Variants in CSPP1 observed in about 807,000 individuals in gnomAD.
CSPP1 encodes centrosome and spindle pole-associated protein 1.
In CSPP1, 126 loss-of-function variants were observed where a neutral mutation model predicts 164.4. The observed-to-expected ratio is 0.77, with a 90% CI of 0.66 to 0.89. The LOEUF is 0.89. CSPP1 is among the 40% of genes least tolerant of loss of function. The pLI, the probability that CSPP1 is intolerant of heterozygous loss-of-function variation, is 0.00. For synonymous variants in CSPP1, 472 were observed against 476.7 expected (o/e 0.99, Z 0.13); for missense variants, 1,395 against 1,449.8 (o/e 0.96, Z 0.61).
chr8:67,183,910 T>C (rs564626392), intron 28 of CSPP1, among the ~76,000 whole-genome samples: 2 of 147,548 alleles, frequency 1.4e-5, no homozygotes, highest in Admixed American at 1.4e-4. Context: ...TGGAGCGTGA[T>C]GGCGTGATCT....
At chr8:67,132,958 G>A (rs187734404) in intron 16 of CSPP1, among the ~76,000 whole-genome samples, 107 of 152,102 alleles carry the variant, frequency 7.0e-4, no homozygotes, top group African/African-American at 2.0e-3. Context: ...AAGTACTTTT[G>A]TTCAACTTTT....
intron 25 of CSPP1, chr8:67,172,836 T>G: frequency 4.2e-6 from 1 of 239,702 alleles, no homozygotes; most frequent in Non-Finnish European, 8.0e-6. Flanking sequence ...GAACTTGGCA[T>G]TTAATGGAGG....
intron 2 of CSPP1, among the ~76,000 whole-genome samples, chr8:67,076,255 C>T (rs746951055): frequency 1.8e-4 from 28 of 152,058 alleles, no homozygotes; most frequent in Non-Finnish European, 3.4e-4. Flanking sequence ...ATGTTTGGCA[C>T]TTAATGGGAA....
At chr8:67,075,502 A>C (rs1428229047) in intron 2 of CSPP1, among the ~76,000 whole-genome samples, 1 of 152,196 alleles carries the variant, frequency 6.6e-6, no homozygotes, top group Non-Finnish European at 1.5e-5. Flanking sequence ...GCATATTCTT[A>C]AGAGGTTATA....
In CSPP1 at chr8:67,064,447, G is replaced by C; in HGVS notation, c.-102G>C. 1 of 1,613,982 alleles carries C rather than the reference G, an allele frequency of 6.2e-7. No individual in the cohort carries two copies. Among genetic ancestry groups the C allele is most frequent in the Non-Finnish European group, 8.5e-7 (1 of 1,179,914 alleles). ...CGCTGTAACCTCTTCGGTCCGCGAC[G>C]ATCCTCTAGAGCACTGTGTGTCTCC... On this transcript the variant is annotated 5_prime_UTR_variant, in exon 1 of 31. Transcript: ENST00000678616.
intron 28 of CSPP1, among the ~76,000 whole-genome samples, chr8:67,189,859 A>C (rs1379731095): frequency 1.3e-5 from 2 of 152,082 alleles, no homozygotes; most frequent in Admixed American, 6.5e-5. Context: ...TTTTCAAAGG[A>C]GTTGCGGAGG....
At chr8:67,094,617 T>G (rs1812345843) in intron 6 of CSPP1, among the ~76,000 whole-genome samples, 1 of 151,894 alleles carries the variant, frequency 6.6e-6, no homozygotes, top group Non-Finnish European at 1.5e-5. Flanking sequence ...TAAAAAAATA[T>G]ATGGGTGATT....
chr8:67,175,205 T>C, intron 25 of CSPP1, 91 bp from the exon 26 acceptor site: 1 of 890,984 alleles, frequency 1.1e-6, no homozygotes, highest in Non-Finnish European at 1.8e-6. Flanking sequence ...ATTTTGAAAT[T>C]AGGTTACTCA....
intron 17 of CSPP1, among the ~76,000 whole-genome samples, chr8:67,143,020 CTAGA>C: frequency 6.6e-6 from 1 of 152,170 alleles, no homozygotes; most frequent in Non-Finnish European, 1.5e-5. Context: ...AGAAATTAAC[CTAGA>C]TACAGTGCCG....
chr8:67,170,228 T>C (rs913816998), intron 24 of CSPP1, among the ~76,000 whole-genome samples: 10 of 150,820 alleles, frequency 6.6e-5, no homozygotes, highest in African/African-American at 2.4e-4. Flanking sequence ...ATGGATCACC[T>C]GAGGTCAGGA....
At chr8:67,114,886 T>A (rs1817613222) in intron 12 of CSPP1, 2 of 152,214 alleles carry the variant, frequency 1.3e-5, no homozygotes, top group Non-Finnish European at 1.5e-5. Flanking sequence ...AATAAGTAAT[T>A]GGAGGCAACA....
Position 67,116,068 on chromosome 8 carries a change from A to G in CSPP1, c.1442A>G (p.Asn481Ser). ...IPSVHPVPSQ[N>S]EDLRSGLSSA... Reference sequence around the variant, plus strand: ...TCAGTTCATCCTGTTCCTTCTCAAAATGAAGATTTGCGCAGTGGACTCAGC... The same window carrying G: ...TCAGTTCATCCTGTTCCTTCTCAAAGTGAAGATTTGCGCAGTGGACTCAGC... The change falls in exon 13 of 31, where the codon AAT (asparagine) becomes AGT (serine). Residue 481 changes from asparagine (N) to serine (S), a missense_variant. Asn to Ser is a conservative substitution (Grantham distance 46). Coordinates refer to ENST00000678616, the MANE Select transcript of CSPP1 (RefSeq NM_001382391.1). 1.2e-6 allele frequency: 2 copies of G among 1,614,050 alleles called. No homozygotes were observed. Among genetic ancestry groups the G allele is most frequent in the Non-Finnish European group, 1.7e-6 (2 of 1,179,994 alleles).
rs759725169 is a variant in CSPP1 at position 67,118,384 on chromosome 8, G to T, written c.1618+15G>T. The stretch of plus-strand genomic sequence containing the variant: ...TCTTGCTTATTGTAAGTTATCTATA[G>T]GGTAAGCATTTTCTCCCCGCTTGGC... On this transcript the variant is annotated intron_variant, in intron 14 of 30. Transcript: ENST00000678616. 8.1e-6 allele frequency: 13 copies of T among 1,612,686 alleles called. No homozygotes were observed. The highest frequency in any genetic ancestry group is 1.1e-5 in the Non-Finnish European group (13 of 1,179,310).
chr8:67,083,548 A>AAAAAAAAATATATATATATATATAT (rs1332248754), intron 3 of CSPP1: 1 of 91,500 alleles, frequency 1.1e-5, no homozygotes, highest in African/African-American at 4.5e-5. Flanking sequence ...AAAAAAAAAA[A>AAAAAAAAATATATATATATATATAT]ATATATATAT....
intron 30 of CSPP1, among the ~76,000 whole-genome samples, chr8:67,194,251 C>T (rs761032505): frequency 1.3e-5 from 2 of 152,176 alleles, no homozygotes; most frequent in African/African-American, 4.8e-5. Context: ...ATAGTTTTAG[C>T]AAATTACTGG....
chr8:67,125,246 G>C (rs551968998), intron 15 of CSPP1, among the ~76,000 whole-genome samples: 3 of 152,258 alleles, frequency 2.0e-5, no homozygotes, highest in South Asian at 4.1e-4. Context: ...TGATGGTATG[G>C]AATAGTATTG....
At chr8:67,090,881 G>A (rs1045510156) in intron 4 of CSPP1, among the ~76,000 whole-genome samples, 5 of 152,312 alleles carry the variant, frequency 3.3e-5, no homozygotes, top group East Asian at 1.9e-4. Flanking sequence ...TTATAACCTA[G>A]TGATGTGTAG....
chr8:67,116,286 A>AT (rs1817917290), intron 13 of CSPP1, among the ~76,000 whole-genome samples, 164 bp downstream of exon 13: 1 of 152,202 alleles, frequency 6.6e-6, no homozygotes, highest in East Asian at 1.9e-4. Flanking sequence ...CTCTGCTATT[A>AT]TAAAAAAAGG....
At chr8:67,124,090 G>A (rs1369068734) in intron 15 of CSPP1, among the ~76,000 whole-genome samples, 5 of 150,280 alleles carry the variant, frequency 3.3e-5, no homozygotes, top group African/African-American at 1.2e-4. Flanking sequence ...TAGTAGAGAC[G>A]GGGTTTCACC....
Sources: allele counts gnomAD v4.1 joint callset (sites outside exome capture counted in the v4.1 genomes callset), GRCh38; gene constraint gnomAD v4.1.1; transcripts MANE v1.5; gene names NCBI Gene and HGNC (gene_info 2026-07-23, HGNC 2026-07-21).